GLI3: variants seen among roughly 807,000 people sequenced by gnomAD.
The protein encoded by GLI3 is GLI family zinc finger 3, also known as transcription activator GLI3.
Under a neutral mutation model 100.8 loss-of-function variants are expected in GLI3, and 20 were observed. The observed-to-expected ratio is 0.20, with a 90% confidence interval of 0.14 to 0.29. The LOEUF (loss-of-function observed/expected upper bound fraction) is 0.29. Among genes scored for constraint, GLI3 ranks in the 10% least tolerant of loss-of-function variants. The pLI is 1.00. For missense variants in GLI3, 2,040 were observed against 2,128.5 expected, an observed-to-expected ratio of 0.96 and a Z score of 0.82; for synonymous variants, 938 against 860.5, an observed-to-expected ratio of 1.09 and a Z score of -1.58.
chr7:42,263,091 A>G (rs1400436615), intron 1 of GLI3, among the ~76,000 whole-genome samples: 1 of 152,200 alleles, frequency 6.6e-6, no homozygotes, highest in East Asian at 1.9e-4. Context: ...TGCCATCGCC[A>G]TGGTGACCCA....
rs2128707233 is a variant in GLI3 at position 41,967,835 on chromosome 7, G to A, written c.2192C>T (p.Pro731Leu). 2.5e-6 allele frequency: 4 copies of A among 1,614,170 alleles called. No individual in the cohort carries two copies. Among genetic ancestry groups the A allele is most frequent in the Non-Finnish European group, 3.4e-6 (4 of 1,180,018 alleles). The change falls in exon 14 of 15, where the codon CCT becomes CTT. Residue 731 changes from proline to leucine, a missense_variant. This residue lies in a region of GLI3 where 327 missense variants were observed against 338.7 expected (regional missense o/e 0.97). Coordinates refer to ENST00000395925, the MANE Select transcript of GLI3 (RefSeq NM_000168.6). The stretch of plus-strand genomic sequence containing the variant: ...TCCTATACTACCTCCATCGGTCAGA[G>A]GAAGCTCGAGCCCACTGTTGGAATA... ...SNYSNSGLEL[P>L]LTDGGSIGDL...
chr7:42,236,337 G>T (rs1393109801), intron 1 of GLI3, among the ~76,000 whole-genome samples: 1 of 152,130 alleles, frequency 6.6e-6, no homozygotes, highest in Non-Finnish European at 1.5e-5. Context: ...GCTGCCCCTG[G>T]AAAGGAAAAG....
chr7:42,253,155 G>A (rs1339664512), intron 1 of GLI3, among the ~76,000 whole-genome samples: 1 of 152,198 alleles, frequency 6.6e-6, no homozygotes, highest in Admixed American at 6.5e-5. Context: ...TCCACAACCA[G>A]ACAGATGTAT....
chr7:42,105,850 C>A (rs549493686), intron 3 of GLI3, among the ~76,000 whole-genome samples: 2 of 152,112 alleles, frequency 1.3e-5, no homozygotes, highest in African/African-American at 4.8e-5. Context: ...AGCACCTCCA[C>A]GTCTGCAGTC....
At chr7:41,974,405 C>G (rs1787451556) in intron 12 of GLI3, among the ~76,000 whole-genome samples, 1 of 152,198 alleles carries the variant, frequency 6.6e-6, no homozygotes. Context: ...TAACCCTTCA[C>G]ACAACTTTTG....
At chr7:41,976,990 A>G (rs1787530665) in intron 12 of GLI3, among the ~76,000 whole-genome samples, 1 of 152,226 alleles carries the variant, frequency 6.6e-6, no homozygotes, top group African/African-American at 2.4e-5. Flanking sequence ...AACTGCCTAG[A>G]AAGTATTCTG....
At chr7:42,046,624 A>G (rs890331303) in intron 5 of GLI3, among the ~76,000 whole-genome samples, 3 of 152,202 alleles carry the variant, frequency 2.0e-5, no homozygotes, top group Admixed American at 2.0e-4. Context: ...AGATGATAAG[A>G]GTGCTTTCAG....
chr7:42,199,609 T>C (rs1361273538), intron 2 of GLI3, among the ~76,000 whole-genome samples: 1 of 152,208 alleles, frequency 6.6e-6, no homozygotes, highest in Admixed American at 6.5e-5. Context: ...TGCGTGTATG[T>C]GTGTGAGCAC....
intron 3 of GLI3, among the ~76,000 whole-genome samples, chr7:42,143,970 G>A (rs1786636111): frequency 6.6e-6 from 1 of 152,130 alleles, no homozygotes; most frequent in Non-Finnish European, 1.5e-5. Flanking sequence ...TAGTGAATCC[G>A]AGAAACTTTG....
At chr7:42,209,692 C>T (rs4724098) in intron 2 of GLI3, among the ~76,000 whole-genome samples, 55,498 of 151,908 alleles carry the variant, frequency 0.37, 12,001 homozygotes, top group East Asian at 0.72. Flanking sequence ...GATGTGCAGG[C>T]AGAATCTTTT....
chr7:42,194,465 C>G (rs1302706115), intron 2 of GLI3, among the ~76,000 whole-genome samples: 2 of 152,292 alleles, frequency 1.3e-5, no homozygotes, highest in East Asian at 3.9e-4. Context: ...GGACTTCATC[C>G]TTTCCCAATT....
At chr7:41,969,147 C>A (rs560432691) in intron 13 of GLI3, among the ~76,000 whole-genome samples, 2 of 152,128 alleles carry the variant, frequency 1.3e-5, no homozygotes, top group Non-Finnish European at 2.9e-5. Context: ...CAGTCGAATC[C>A]TTTTTGTACA....
At chr7:42,072,368 T>A (rs901405641) in intron 4 of GLI3, among the ~76,000 whole-genome samples, 1 of 152,182 alleles carries the variant, frequency 6.6e-6, no homozygotes, top group African/African-American at 2.4e-5. Flanking sequence ...AAATCCAAAA[T>A]GAATGAAATC....
chr7:42,166,705 G>A (rs1028212135), intron 2 of GLI3, among the ~76,000 whole-genome samples: 1 of 137,318 alleles, frequency 7.3e-6, no homozygotes, highest in Non-Finnish European at 1.5e-5. Context: ...TGTCTCCCAG[G>A]CTGGAGTGCA....
At chr7:42,259,821 G>A (rs564353475) in intron 1 of GLI3, among the ~76,000 whole-genome samples, 19 of 152,232 alleles carry the variant, frequency 1.2e-4, no homozygotes, top group African/African-American at 4.6e-4. Context: ...CTTTGCTTTT[G>A]ACTCAAAATT....
intron 3 of GLI3, among the ~76,000 whole-genome samples, chr7:42,079,312 C>G (rs553619510): frequency 6.6e-6 from 1 of 152,290 alleles, no homozygotes; most frequent in African/African-American, 2.4e-5. Flanking sequence ...ATTATGCACC[C>G]TTCTTAAAAC....
intron 7 of GLI3, among the ~76,000 whole-genome samples, chr7:42,029,627 G>A (rs1789227455): frequency 6.6e-6 from 1 of 152,166 alleles, no homozygotes; most frequent in African/African-American, 2.4e-5. Context: ...TCCTGTCACA[G>A]CATGAGTCCC....
intron 2 of GLI3, among the ~76,000 whole-genome samples, chr7:42,155,998 G>A (rs551463951): frequency 1.8e-4 from 27 of 152,192 alleles, no homozygotes; most frequent in Non-Finnish European, 1.2e-4. Context: ...GGATGCTTCT[G>A]AACACTGATG....
rs1330753109 is a variant in GLI3 at position 41,973,592 on chromosome 7, C to T, written c.1813-965G>A. ...TTAAAATATAATATACGCAAGAATG[C>T]TTTCATGAATATATATTTATATCTA... On this transcript the variant is annotated intron_variant, in intron 12 of 14. Coordinates refer to ENST00000395925, the MANE Select transcript of GLI3 (RefSeq NM_000168.6). 2.6e-5 allele frequency among the ~76,000 whole-genome samples: 4 copies of T among 152,130 alleles called. No individual in the cohort carries two copies. In the East Asian group the frequency reaches 7.7e-4, roughly 29 times the overall value.
Sources: gnomAD v4.1 joint callset for allele counts (sites outside exome capture counted in the v4.1 genomes callset) on GRCh38, gnomAD v4.1.1 for gene constraint, gnomAD v4.1.1 regional missense constraint, MANE v1.5 for transcripts, NCBI Gene and HGNC (gene_info 2026-07-23, HGNC 2026-07-21) for gene names.